Variants in B3GALT1 observed in about 807,000 individuals in gnomAD.
B3GALT1 encodes the protein beta-1,3-galactosyltransferase 1, also known as UDP-Gal:betaGlcNAc beta 1,3-galactosyltransferase, polypeptide 1.
B3GALT1 carries 10 observed loss-of-function variants against 23.2 expected under a neutral mutation model. The observed-to-expected ratio is 0.43, with a 90% confidence interval of 0.27 to 0.73. The LOEUF is 0.73. Among genes scored for constraint, B3GALT1 ranks in the 30% least tolerant of loss-of-function variants. The pLI is 0.21. For missense variants in B3GALT1, 299 were observed against 405.4 expected (o/e 0.74, Z 2.25); for synonymous variants, 156 against 141.5 (o/e 1.10, Z -0.73).
chr2:167,389,149 C>T (rs758853028), intron 1 of B3GALT1, among the ~76,000 whole-genome samples: 2 of 152,126 alleles, frequency 1.3e-5, no homozygotes, highest in Non-Finnish European at 2.9e-5. Context: ...AAATTCTGTG[C>T]TTCTGGTGTG....
intron 3 of B3GALT1, among the ~76,000 whole-genome samples, chr2:167,758,456 G>A (rs1687851460): frequency 6.6e-6 from 1 of 152,180 alleles, no homozygotes; most frequent in South Asian, 2.1e-4. Context: ...AGGAAGCCCA[G>A]GAATGGGCTC....
At position 167,868,952 on chromosome 2, in the gene B3GALT1, A is replaced by T. The variant is rs1574311638; in HGVS notation, c.-88A>T. 3 of 1,428,842 alleles carry T rather than the reference A, an allele frequency of 2.1e-6. No individual in the cohort carries two copies. In the East Asian group the frequency reaches 6.9e-5, roughly 33 times the overall value. 88.5% of individuals were successfully genotyped at this position (1,428,842 alleles called of 1,614,324 possible). ...TCTCTATCAAACTTGAAGATTTATT[A>T]GTAATATGCTGCCTTTGGAAGATGA... On this transcript the variant is annotated 5_prime_UTR_variant, in exon 5 of 5. Transcript: ENST00000392690.
intron 1 of B3GALT1, among the ~76,000 whole-genome samples, chr2:167,385,865 G>C (rs981395639): frequency 6.6e-6 from 1 of 152,064 alleles, no homozygotes; most frequent in Non-Finnish European, 1.5e-5. Flanking sequence ...GATTAAAAGG[G>C]TTCTATCAAC....
chr2:167,712,618 C>T (rs1031153846), intron 3 of B3GALT1, among the ~76,000 whole-genome samples: 1 of 151,968 alleles, frequency 6.6e-6, no homozygotes, highest in South Asian at 2.1e-4. Context: ...TGCTCACTAA[C>T]CCTGTTGGAT....
At chr2:167,742,542 G>A (rs376922450) in intron 3 of B3GALT1, among the ~76,000 whole-genome samples, 8 of 152,120 alleles carry the variant, frequency 5.3e-5, no homozygotes, top group East Asian at 3.9e-4. Flanking sequence ...GGTGTGTAGC[G>A]GCATATGGTG....
intron 1 of B3GALT1, among the ~76,000 whole-genome samples, chr2:167,464,529 G>C (rs1000417348): frequency 6.6e-6 from 1 of 152,146 alleles, no homozygotes; most frequent in African/African-American, 2.4e-5. Flanking sequence ...TCAGTCGTCT[G>C]TTTAGTAGAA....
intron 3 of B3GALT1, among the ~76,000 whole-genome samples, chr2:167,716,850 C>T (rs967631041): frequency 2.6e-5 from 4 of 151,932 alleles, no homozygotes; most frequent in African/African-American, 9.7e-5. Flanking sequence ...TTTTTGGTTG[C>T]ATTTTATAGC....
At chr2:167,709,282 T>TA (rs1687015302) in intron 3 of B3GALT1, among the ~76,000 whole-genome samples, 1 of 152,212 alleles carries the variant, frequency 6.6e-6, no homozygotes, top group South Asian at 2.1e-4. Context: ...AGCAGTGCTT[T>TA]AGAGTTTCCA....
intron 3 of B3GALT1, chr2:167,715,900 G>A: frequency 6.2e-7 from 1 of 1,613,618 alleles, no homozygotes; most frequent in Non-Finnish European, 8.5e-7. Flanking sequence ...AAAAAAAGGA[G>A]AACAACAAAA....
Position 167,612,784 on chromosome 2 carries a change from T to C in B3GALT1, c.-409-34125T>C, listed in dbSNP as rs144598311. 7.3e-3 allele frequency among the ~76,000 whole-genome samples: 1,107 copies of C among 152,052 alleles called. 9 individuals are homozygous for C. The highest frequency in any genetic ancestry group is 0.021 in the African/African-American group (859 of 41,542). On this transcript the variant is annotated intron_variant, in intron 2 of 4. Coordinates refer to ENST00000392690, the MANE Select transcript of B3GALT1 (RefSeq NM_020981.4). ...GATGTCAGAATCTAACCATGGATCA[T>C]GGGAGAAATTGTGAAGATTTACTAG...
chr2:167,621,357 A>G (rs1343686954), intron 2 of B3GALT1, among the ~76,000 whole-genome samples: 5 of 152,134 alleles, frequency 3.3e-5, no homozygotes, highest in East Asian at 3.9e-4. Flanking sequence ...AAGTGCTGGA[A>G]TTACAGGCGT....
chr2:167,580,717 G>A lies in B3GALT1; in HGVS notation c.-409-66192G>A, dbSNP rs567658028. ...AAAAAAATTATTTACCAACATCCAG[G>A]ATGAAGGAAGGTGGGGAGGGACTGG... On this transcript the variant is annotated intron_variant, in intron 2 of 4. Transcript: ENST00000392690. Among the ~76,000 whole-genome samples, 3 of 152,282 alleles carry A rather than the reference G, an allele frequency of 2.0e-5. No homozygotes were observed. In the East Asian group the frequency reaches 5.8e-4, roughly 29 times the overall value.
At chr2:167,671,721 CA>C (rs1686328184) in intron 3 of B3GALT1, among the ~76,000 whole-genome samples, 1 of 149,656 alleles carries the variant, frequency 6.7e-6, no homozygotes, top group Non-Finnish European at 1.5e-5. Flanking sequence ...CTTTAAAGCT[CA>C]AAGAATTAGG....
intron 1 of B3GALT1, among the ~76,000 whole-genome samples, chr2:167,451,533 C>A (rs1018571482): frequency 6.6e-6 from 1 of 152,188 alleles, no homozygotes; most frequent in Admixed American, 6.5e-5. Flanking sequence ...TGCACAGAGT[C>A]CTGTGCTGTG....
intron 1 of B3GALT1, among the ~76,000 whole-genome samples, chr2:167,448,139 C>CA (rs1475449273): frequency 1.3e-5 from 2 of 152,122 alleles, no homozygotes; most frequent in Non-Finnish European, 2.9e-5. Context: ...GTAGATAACT[C>CA]ATAGTGGGAC....
intron 2 of B3GALT1, among the ~76,000 whole-genome samples, chr2:167,623,064 A>T (rs775114827): frequency 1.3e-5 from 2 of 152,182 alleles, no homozygotes; most frequent in African/African-American, 4.8e-5. Context: ...CAAAGCCACA[A>T]TGAGATACCA....
At chr2:167,496,199 T>G (rs971023722) in intron 2 of B3GALT1, among the ~76,000 whole-genome samples, 9 of 152,176 alleles carry the variant, frequency 5.9e-5, no homozygotes, top group Non-Finnish European at 1.2e-4. Context: ...ATTTCTTAAA[T>G]GAAAAAGTCA....
chr2:167,848,370 A>C (rs1233310746), intron 4 of B3GALT1, among the ~76,000 whole-genome samples: 3 of 152,222 alleles, frequency 2.0e-5, no homozygotes, highest in African/African-American at 7.2e-5. Context: ...CAAATCCAAC[A>C]ATATATCAAA....
chr2:167,677,577 C>T (rs1481136641), intron 3 of B3GALT1, among the ~76,000 whole-genome samples: 2 of 152,176 alleles, frequency 1.3e-5, no homozygotes, highest in African/African-American at 4.8e-5. Context: ...ATCCCAGAAC[C>T]CCTCAATCAC....
Sources: allele counts gnomAD v4.1 joint callset (sites outside exome capture counted in the v4.1 genomes callset), GRCh38; gene constraint gnomAD v4.1.1; transcripts MANE v1.5; gene names NCBI Gene and HGNC (gene_info 2026-07-23, HGNC 2026-07-21).